The following ERC2 variants were observed in gnomAD, a reference collection of about 807,000 sequenced individuals.
ERC2 encodes the protein ELKS/RAB6-interacting/CAST family member 2, also known as ERC protein 2.
Under a neutral mutation model 114.8 loss-of-function variants are expected in ERC2, and 42 were observed. The observed-to-expected ratio is 0.37, with a 90% confidence interval of 0.29 to 0.47. The LOEUF is 0.47. Among genes scored for constraint, ERC2 ranks in the 20% least tolerant of loss-of-function variants. The pLI is 0.99. For synonymous variants in ERC2, 454 were observed against 425.5 expected, an observed-to-expected ratio of 1.07 and a Z score of -0.82; for missense variants, 939 against 1,150.7, an observed-to-expected ratio of 0.82 and a Z score of 2.66.
At chr3:55,902,107 A>T (rs943486952) in intron 13 of ERC2, among the ~76,000 whole-genome samples, 1 of 152,152 alleles carries the variant, frequency 6.6e-6, no homozygotes, top group Non-Finnish European at 1.5e-5. Flanking sequence ...TTTCCTTATT[A>T]TTATAATTCA....
At chr3:56,336,691 G>T (rs1391455247) in intron 2 of ERC2, among the ~76,000 whole-genome samples, 1 of 152,184 alleles carries the variant, frequency 6.6e-6, no homozygotes, top group Non-Finnish European at 1.5e-5. Flanking sequence ...CTACTCGGGA[G>T]GCTGAGGCAG....
chr3:56,126,313 G>A (rs2079859457), intron 6 of ERC2, among the ~76,000 whole-genome samples: 1 of 152,168 alleles, frequency 6.6e-6, no homozygotes, highest in Admixed American at 6.5e-5. Context: ...CAAATCAATA[G>A]AGGTGATACA....
At chr3:56,357,483 G>A (rs7636879) in intron 2 of ERC2, among the ~76,000 whole-genome samples, 6,367 of 152,118 alleles carry the variant, frequency 0.042, 203 homozygotes, top group African/African-American at 0.086. Flanking sequence ...GGCCCAGGCT[G>A]ACTACAGCTG....
chr3:55,661,211 T>A (rs1256677903), intron 17 of ERC2, among the ~76,000 whole-genome samples: 1 of 152,210 alleles, frequency 6.6e-6, no homozygotes, highest in Non-Finnish European at 1.5e-5. Context: ...GCTCAGTTCA[T>A]TCTCTGCTGA....
intron 3 of ERC2, among the ~76,000 whole-genome samples, chr3:56,197,380 GCAAACACTTAAGGGA>G (rs2048170680): frequency 1.3e-5 from 2 of 152,226 alleles, no homozygotes; most frequent in South Asian, 4.1e-4. Flanking sequence ...GCCTACCATA[GCAAACACTTAAGGGA>G]CAAGTTGAGT....
intron 7 of ERC2, among the ~76,000 whole-genome samples, chr3:56,047,348 T>C (rs1397900414): frequency 6.6e-6 from 1 of 152,232 alleles, no homozygotes; most frequent in Non-Finnish European, 1.5e-5. Flanking sequence ...GGGTAAGTGA[T>C]GCAAATCCAG....
chr3:56,374,311 A>T (rs887304621), intron 2 of ERC2, among the ~76,000 whole-genome samples: 2 of 152,064 alleles, frequency 1.3e-5, no homozygotes, highest in Non-Finnish European at 2.9e-5. Flanking sequence ...GTTAGCCAGG[A>T]TGGTCTCGAT....
chr3:55,847,747 A>C (rs1216436573), intron 14 of ERC2, among the ~76,000 whole-genome samples: 4 of 152,218 alleles, frequency 2.6e-5, no homozygotes, highest in Non-Finnish European at 5.9e-5. Flanking sequence ...TTATCTCTGC[A>C]TGGTGGCAAT....
intron 2 of ERC2, among the ~76,000 whole-genome samples, chr3:56,303,032 A>G (rs2055987071): frequency 6.6e-6 from 1 of 152,204 alleles, no homozygotes; most frequent in Non-Finnish European, 1.5e-5. Flanking sequence ...GAGGGCTCAG[A>G]AAGGTTTTTA....
At chr3:55,888,873 T>A (rs976452073) in intron 13 of ERC2, among the ~76,000 whole-genome samples, 1 of 152,166 alleles carries the variant, frequency 6.6e-6, no homozygotes, top group African/African-American at 2.4e-5. Flanking sequence ...AGCTTACTCA[T>A]GTAACCAAAT....
chr3:56,067,800 C>G (rs567350524), intron 7 of ERC2, among the ~76,000 whole-genome samples: 1 of 152,038 alleles, frequency 6.6e-6, no homozygotes, highest in Admixed American at 6.6e-5. Flanking sequence ...GAGATAATCA[C>G]GTGGTTTTTG....
chr3:56,426,942 G>A (rs1199983665), intron 2 of ERC2, among the ~76,000 whole-genome samples: 1 of 148,730 alleles, frequency 6.7e-6, no homozygotes, highest in Non-Finnish European at 1.5e-5. Flanking sequence ...CAGGTGGATT[G>A]CTTGAGCCCA....
intron 17 of ERC2, among the ~76,000 whole-genome samples, chr3:55,539,063 A>G (rs1464066088): frequency 6.6e-6 from 1 of 152,226 alleles, no homozygotes; most frequent in East Asian, 1.9e-4. Context: ...ATCTGAAAAA[A>G]CATAAGCTGA....
intron 1 of ERC2, among the ~76,000 whole-genome samples, chr3:56,437,923 A>C (rs896984293): frequency 6.6e-6 from 1 of 152,240 alleles, no homozygotes. Flanking sequence ...AAAACACACA[A>C]ATACACATAC....
intron 16 of ERC2, among the ~76,000 whole-genome samples, chr3:55,693,897 TG>T (rs1464013997): frequency 6.6e-6 from 1 of 151,912 alleles, no homozygotes; most frequent in African/African-American, 2.4e-5. Context: ...TTAGTAGAGA[TG>T]GGGTTTCAGC....
intron 14 of ERC2, among the ~76,000 whole-genome samples, chr3:55,780,831 G>A (rs1462285980): frequency 6.6e-6 from 1 of 152,192 alleles, no homozygotes; most frequent in Non-Finnish European, 1.5e-5. Flanking sequence ...ACAGCTCTGT[G>A]GCAAATATCT....
chr3:55,563,340 T>C (rs2107489870), intron 17 of ERC2, among the ~76,000 whole-genome samples: 1 of 152,124 alleles, frequency 6.6e-6, no homozygotes, highest in Non-Finnish European at 1.5e-5. Context: ...TTTTTTTTTT[T>C]TTTTTTACTT....
In ERC2 at chr3:55,705,935, G is replaced by C. The variant is rs139833722; in HGVS notation, c.2713-6423C>G. Among the ~76,000 whole-genome samples the C allele has an allele frequency of 1.2e-4, 19 of 152,220 alleles. No homozygotes were observed. In the East Asian group the frequency reaches 3.3e-3, roughly 26 times the overall value. On this transcript the variant is annotated intron_variant, in intron 15 of 17. Coordinates refer to ENST00000288221, the MANE Select transcript of ERC2 (RefSeq NM_015576.3). The stretch of plus-strand genomic sequence containing the variant: ...TCCTATATTCTCTTGTTCCACACCA[G>C]ATCTTGTCTGCAGCTTGGATGGACA...
intron 14 of ERC2, among the ~76,000 whole-genome samples, chr3:55,768,843 T>C (rs1482522435): frequency 6.6e-6 from 1 of 152,154 alleles, no homozygotes; most frequent in African/African-American, 2.4e-5. Context: ...TACTTTAGTT[T>C]TATGTTTTAA....
Sources: gnomAD v4.1 joint callset for allele counts (sites outside exome capture counted in the v4.1 genomes callset) on GRCh38, gnomAD v4.1.1 for gene constraint, MANE v1.5 for transcripts, NCBI Gene and HGNC (gene_info 2026-07-23, HGNC 2026-07-21) for gene names.